Variants in GINS2 observed in about 807,000 individuals in gnomAD.
GINS2 encodes GINS complex subunit 2, also known as DNA replication complex GINS protein PSF2.
GINS2 carries 23 observed loss-of-function variants against 21.2 expected under a neutral mutation model. That is an observed-to-expected ratio of 1.08 (90% CI 0.78 to 1.53). The LOEUF (loss-of-function observed/expected upper bound fraction) is 1.53, where lower values mean the gene tolerates loss of function less well. GINS2 is among the 40% of genes most tolerant of loss of function. The probability of loss-of-function intolerance (pLI) is 0.00; values close to 1 mark genes in which losing one functional copy is unlikely to be tolerated. For synonymous variants in GINS2, 118 were observed against 85.6 expected, an observed-to-expected ratio of 1.38 and a Z score of -2.09; for missense variants, 323 against 233.9, an observed-to-expected ratio of 1.38 and a Z score of -2.49.
intron 3 of GINS2, among the ~76,000 whole-genome samples, chr16:85,679,488 G>A (rs963310503): frequency 1.3e-5 from 2 of 152,208 alleles, no homozygotes; most frequent in Non-Finnish European, 2.9e-5. Context: ...AATTCCTGAT[G>A]AGTAAGTGGC....
At chr16:85,680,514 T>G (rs1355586028) in intron 3 of GINS2, among the ~76,000 whole-genome samples, 2 of 152,206 alleles carry the variant, frequency 1.3e-5, no homozygotes, top group African/African-American at 4.8e-5. Flanking sequence ...TCTTCACTAG[T>G]TTCACTTTCA....
Position 85,681,649 on chromosome 16 carries a change from T to C in GINS2, c.238A>G (p.Lys80Glu), listed in dbSNP as rs1432995863. 1 of 1,611,730 alleles carries C rather than the reference T, an allele frequency of 6.2e-7. No homozygotes were observed. The highest frequency in any genetic ancestry group is 1.7e-5 in the Admixed American group (1 of 60,000). ...KLEKMRDHER[K>E]EETFTPMPSP... ...GGCATTGGGGTAAAAGTTTCTTCCT[T>C]TCGTTCATGATCCCTCATCTTCTCC... The change falls in exon 3 of 5, where the codon AAG (lysine) becomes GAG (glutamate). Residue 80 changes from lysine (K) to glutamate (E), a missense_variant. By Grantham distance (56) the Lys-to-Glu change is moderately conservative. Transcript: ENST00000253462.
rs754944261 is a variant in GINS2, at chr16:85,687,634, G to C, written c.91-60C>G. 8.5e-6 allele frequency: 8 copies of C among 944,428 alleles called. No individual in the cohort carries two copies. The African/African-American group carries it at 1.0e-4, about 12-fold the overall frequency. The allele number at this position is 944,428 out of a possible 1,614,324, so 58.5% of individuals were successfully genotyped here. On this transcript the variant is annotated intron_variant, in intron 1 of 4. Transcript: ENST00000253462. The stretch of plus-strand genomic sequence containing the variant: ...AAAAGAACAAAAAAAGCATTACTGT[G>C]CGTTACTGCTATCAAATAAGAGGCA...
chr16:85,687,734 C>G (rs1396474055), intron 1 of GINS2, 160 bp from the exon 2 acceptor site: 4 of 424,202 alleles, frequency 9.4e-6, no homozygotes, highest in African/African-American at 8.3e-5. Flanking sequence ...CAAAGCGCCT[C>G]CTGAGCGGCT....
rs752631926 is a variant in GINS2 at position 85,685,670 on chromosome 16, CAAAAAA to C, written c.205+1784_205+1789del. ...TGGGTGACAGAGCAAGACCCTTTCT[CAAAAAA>C]AAAAAAAAAAAAAAACCGTCTCAAA... On this transcript the variant is annotated intron_variant, in intron 2 of 4. Coordinates refer to ENST00000253462, the MANE Select transcript of GINS2 (RefSeq NM_016095.3). Among the ~76,000 whole-genome samples the C allele has an allele frequency of 2.2e-4, 12 of 55,296 alleles. 1 individual carries two copies. Among genetic ancestry groups the C allele is most frequent in the African/African-American group, 5.5e-4 (9 of 16,428 alleles). The allele number at this position is 55,296 out of a possible 152,430, so 36.3% of individuals were successfully genotyped here.
intron 3 of GINS2, among the ~76,000 whole-genome samples, chr16:85,679,217 A>G (rs1033742879): frequency 1.3e-5 from 2 of 152,210 alleles, no homozygotes; most frequent in African/African-American, 2.4e-5. Context: ...TGCTCTTCAG[A>G]GAAGACAAAA....
At chr16:85,686,598 T>C (rs773063929) in intron 2 of GINS2, among the ~76,000 whole-genome samples, 19 of 152,102 alleles carry the variant, frequency 1.2e-4, no homozygotes, top group Admixed American at 5.2e-4. Context: ...AAGACCCCCA[T>C]ACTTAAGCAA....
At chr16:85,680,674 C>T (rs2053724140) in intron 3 of GINS2, among the ~76,000 whole-genome samples, 1 of 151,094 alleles carries the variant, frequency 6.6e-6, no homozygotes, top group South Asian at 2.1e-4. Context: ...GTAGAGCTGC[C>T]AAGAGTACAT....
intron 2 of GINS2, among the ~76,000 whole-genome samples, chr16:85,685,685 A>AAAAAAAAAAAAACAAAAAAAAAAC (rs56405044): frequency 3.3e-5 from 4 of 120,900 alleles, no homozygotes; most frequent in Non-Finnish European, 7.7e-5. Context: ...AAAAAAAAAA[A>AAAAAAAAAAAAACAAAAAAAAAAC]AAAAAACCGT....
intron 4 of GINS2, 69 bp from the exon 5 acceptor site, chr16:85,678,406 A>G (rs2053703590): frequency 1.3e-6 from 2 of 1,580,456 alleles, no homozygotes; most frequent in African/African-American, 1.4e-5. Flanking sequence ...AACTCTACTG[A>G]ATAAAAATAA....
At chr16:85,683,381 C>A (rs879390083) in intron 2 of GINS2, among the ~76,000 whole-genome samples, 1 of 151,322 alleles carries the variant, frequency 6.6e-6, no homozygotes, top group Non-Finnish European at 1.5e-5. Flanking sequence ...CAAATTTATA[C>A]CCCCATCAGC....
At chr16:85,683,697 C>T (rs1011187411) in intron 2 of GINS2, among the ~76,000 whole-genome samples, 1 of 152,236 alleles carries the variant, frequency 6.6e-6, no homozygotes, top group Non-Finnish European at 1.5e-5. Flanking sequence ...AGCCAGAGGC[C>T]ACTCTCAGTG....
intron 3 of GINS2, 45 bp downstream of exon 3, chr16:85,681,537 G>A (rs569317595): frequency 3.1e-5 from 34 of 1,110,710 alleles, no homozygotes; most frequent in Admixed American, 2.1e-4. Context: ...AGGGCATGGC[G>A]AGTCCAGTCT....
At chr16:85,678,804 G>C (rs2053708516) in intron 3 of GINS2, 138 bp from the exon 4 acceptor site, 3 of 815,882 alleles carry the variant, frequency 3.7e-6, no homozygotes, top group Non-Finnish European at 5.9e-6. Flanking sequence ...TTCAACTTTA[G>C]GGTGTAAAGA....
chr16:85,687,880 A>C, intron 1 of GINS2: 9 of 223,206 alleles, frequency 4.0e-5, no homozygotes, highest in East Asian at 9.6e-5. Flanking sequence ...CACACACCCA[A>C]TGTTGGGGTC....
In GINS2 at chr16:85,678,147, ACGAGTAC is replaced by A. The variant is rs564199899; in HGVS notation, c.*58_*64del. 1.4e-5 allele frequency: 21 copies of A among 1,478,634 alleles called. No individual in the cohort carries two copies. In the African/African-American group the frequency reaches 2.0e-4, roughly 14 times the overall value. The allele number at this position is 1,478,634 out of a possible 1,614,324, so 91.6% of individuals were successfully genotyped here. On this transcript the variant is annotated 3_prime_UTR_variant, in exon 5 of 5. Transcript: ENST00000253462. ...GAAGTGTTTCTAGAGCTCCAGAACC[ACGAGTAC>A]CTCATCACGTCCTGAGCGCTCACAT...
Position 85,678,293 on chromosome 16 carries a change from G to A in GINS2, c.477C>T (p.Phe159=), listed in dbSNP as rs1025422419. The A allele has an allele frequency of 6.2e-7, 1 of 1,613,244 alleles. No homozygotes were observed. Among genetic ancestry groups the A allele is most frequent in the Non-Finnish European group, 8.5e-7 (1 of 1,179,186 alleles). Residue 159 remains phenylalanine (F), a synonymous_variant, in exon 5 of 5, where the codon TTC becomes TTT. Transcript: ENST00000253462. ...ACATGTGGTTGAGCGCTTGTGTGAGGAAAGTCCCGCTGGTGTTGATCTCCA... is the reference window on the plus strand; with the variant it reads ...ACATGTGGTTGAGCGCTTGTGTGAGAAAAGTCCCGCTGGTGTTGATCTCCA... ...TLMEINTSGT[F]LTQALNHMYK... is the part of the protein sequence containing the mutation.
rs773995683 is a variant in GINS2 at position 85,678,284 on chromosome 16, T to C, written c.486A>G (p.Gln162=). The C allele has an allele frequency of 5.0e-6, 8 of 1,612,978 alleles. No homozygotes were observed. The South Asian group carries it at 7.7e-5, about 15-fold the overall frequency. ...EINTSGTFLT[Q]ALNHMYKLRT... ...GGAGTTTGTACATGTGGTTGAGCGC[T>C]TGTGTGAGGAAAGTCCCGCTGGTGT... is the stretch of plus-strand genomic sequence containing the variant. Residue 162 remains glutamine (Q), a synonymous_variant, in exon 5 of 5, where the codon CAA becomes CAG. Transcript: ENST00000253462.
At chr16:85,682,789 T>C (rs1030616802) in intron 2 of GINS2, among the ~76,000 whole-genome samples, 1 of 152,144 alleles carries the variant, frequency 6.6e-6, no homozygotes, top group Non-Finnish European at 1.5e-5. Flanking sequence ...GAGCAGACTG[T>C]GTACTATAGC....
Sources: allele counts gnomAD v4.1 joint callset (sites outside exome capture counted in the v4.1 genomes callset), GRCh38; gene constraint gnomAD v4.1.1; transcripts MANE v1.5; gene names NCBI Gene and HGNC (gene_info 2026-07-23, HGNC 2026-07-21).